The following RHBDD1 variants were observed in gnomAD, a reference collection of about 807,000 sequenced individuals.
RHBDD1 encodes rhomboid domain containing 1.
RHBDD1 carries 38 observed loss-of-function variants against 36.3 expected under a neutral mutation model. That is an observed-to-expected ratio of 1.05 (90% CI 0.81 to 1.37). The LOEUF (loss-of-function observed/expected upper bound fraction) is 1.37. Ranked by LOEUF, RHBDD1 falls within the 40% of genes most tolerant of loss-of-function variation. The pLI is 0.00. For missense variants in RHBDD1, 393 were observed against 377.6 expected (o/e 1.04, Z -0.34); for synonymous variants, 151 against 136.5 (o/e 1.11, Z -0.74).
At chr2:226,832,172 C>T (rs1049411749), upstream of RHBDD1, among the ~76,000 whole-genome samples, 5 of 152,214 alleles carry the variant, frequency 3.3e-5, no homozygotes, top group Non-Finnish European at 7.4e-5. Context: ...GTTTTAGCTG[C>T]AGTGCATGAC....
chr2:226,906,739 T>C (rs779298403), intron 5 of RHBDD1, 54 bp from the exon 6 acceptor site: 2 of 1,613,550 alleles, frequency 1.2e-6, no homozygotes, highest in Admixed American at 3.3e-5. Context: ...GAAGACAGAA[T>C]GTCTCTAATC....
intron 8 of RHBDD1, among the ~76,000 whole-genome samples, chr2:226,923,167 A>G (rs1489119902): frequency 6.6e-6 from 1 of 152,074 alleles, no homozygotes; most frequent in Non-Finnish European, 1.5e-5. Context: ...CTTTTCTTTC[A>G]GATTGAAGAA....
the RHBDD1 span, among the ~76,000 whole-genome samples, chr2:226,810,399 G>A: frequency 6.6e-6 from 1 of 151,676 alleles, no homozygotes; most frequent in Non-Finnish European, 1.5e-5. Context: ...AATTAGCTGG[G>A]TGTGGTGTCA....
At chr2:226,906,680 G>A in intron 5 of RHBDD1, 113 bp from the exon 6 acceptor site, 1 of 1,572,534 alleles carries the variant, frequency 6.4e-7, no homozygotes. Flanking sequence ...GACTTGATGT[G>A]GAACAAAGCC....
chr2:226,879,010 A>G (rs972785883), intron 5 of RHBDD1, among the ~76,000 whole-genome samples: 1 of 150,648 alleles, frequency 6.6e-6, no homozygotes. Flanking sequence ...GTGGTTTTCA[A>G]CTGTGGGTTC....
intron 5 of RHBDD1, among the ~76,000 whole-genome samples, chr2:226,873,650 A>T (rs1944973751): frequency 6.6e-6 from 1 of 152,192 alleles, no homozygotes; most frequent in East Asian, 1.9e-4. Context: ...TAATGGAGGA[A>T]TTAAGAGATA....
intron 8 of RHBDD1, among the ~76,000 whole-genome samples, chr2:226,921,231 G>A (rs1685417502): frequency 6.6e-6 from 1 of 151,346 alleles, no homozygotes; most frequent in Admixed American, 6.6e-5. Flanking sequence ...TTTTTATTTG[G>A]GTCTTCTCTC....
At chr2:226,955,977 C>A (rs893793374) in intron 8 of RHBDD1, among the ~76,000 whole-genome samples, 3 of 152,152 alleles carry the variant, frequency 2.0e-5, no homozygotes, top group Non-Finnish European at 4.4e-5. Context: ...CACGCAGATG[C>A]CAGGGTCAGT....
At chr2:226,952,198 C>CA in intron 8 of RHBDD1, among the ~76,000 whole-genome samples, 2 of 151,626 alleles carry the variant, frequency 1.3e-5, no homozygotes, top group Middle Eastern at 3.4e-3. Flanking sequence ...CCCTGAGAAT[C>CA]AAAGTGAGAG....
intron 5 of RHBDD1, among the ~76,000 whole-genome samples, chr2:226,905,079 T>C (rs1947936778): frequency 6.6e-6 from 1 of 152,106 alleles, no homozygotes; most frequent in African/African-American, 2.4e-5. Flanking sequence ...TCCATCAGGC[T>C]CTTTCATAAC....
chr2:226,861,511 G>C (rs1268132314), intron 3 of RHBDD1, among the ~76,000 whole-genome samples: 5 of 152,204 alleles, frequency 3.3e-5, no homozygotes, highest in African/African-American at 1.2e-4. Context: ...TTGTAATTGA[G>C]GGGCAAGTTT....
At chr2:226,968,572 A>T (rs1952847211) in intron 8 of RHBDD1, among the ~76,000 whole-genome samples, 1 of 152,216 alleles carries the variant, frequency 6.6e-6, no homozygotes, top group African/African-American at 2.4e-5. Flanking sequence ...TTAGTGTTTA[A>T]TTGAATAACC....
chr2:226,831,779 T>C (rs1940746403), upstream of RHBDD1, among the ~76,000 whole-genome samples: 2 of 152,190 alleles, frequency 1.3e-5, no homozygotes, highest in South Asian at 4.1e-4. Context: ...TTTGGCAATT[T>C]GTGTCTGTCT....
In RHBDD1 at chr2:226,917,639, A is replaced by T. The variant is rs374268220; in HGVS notation, c.856+3288A>T. Among the ~76,000 whole-genome samples, 121 of 152,246 alleles carry T rather than the reference A, an allele frequency of 7.9e-4. No individual in the cohort carries two copies. The South Asian group carries it at 0.018, about 22-fold the overall frequency. ...AATGATCCAGAGTTTGTGCTGAATTACTTTTGCTATCTGACCTTTTATTTT... is the reference window on the plus strand; with the variant it reads ...AATGATCCAGAGTTTGTGCTGAATTTCTTTTGCTATCTGACCTTTTATTTT... On this transcript the variant is annotated intron_variant, in intron 8 of 8. Transcript: ENST00000392062.
chr2:226,911,098 A>G lies in RHBDD1; in HGVS notation c.712+2220A>G, dbSNP rs988810405. Among the ~76,000 whole-genome samples, 8 of 152,330 alleles carry G rather than the reference A, an allele frequency of 5.3e-5. No homozygotes were observed. The South Asian group carries it at 1.4e-3, about 28-fold the overall frequency. On this transcript the variant is annotated intron_variant, in intron 7 of 8. Transcript: ENST00000392062. ...AGCATGAATAAAAATGTTTTTCTAC[A>G]TCAAGAAAATGTTGCCTCAAATCAT...
chr2:226,801,742 A>C, the RHBDD1 span, among the ~76,000 whole-genome samples: 3 of 152,174 alleles, frequency 2.0e-5, no homozygotes, highest in Non-Finnish European at 4.4e-5. Flanking sequence ...AGAGTGCCTT[A>C]CAGGGGGTAG....
chr2:226,998,235 A>C lies in RHBDD1; in HGVS notation c.*2713A>C, dbSNP rs1959968825. ...ATTGCCTGTGATTCCAAAGTTGTAC[A>C]TAATTGTTCAGACCTCCTCCATCCT... On this transcript the variant is annotated 3_prime_UTR_variant, in exon 9 of 9. Transcript: ENST00000392062. 1 of 152,182 alleles carries C rather than the reference A, an allele frequency of 6.6e-6. No homozygotes were observed. The highest frequency in any genetic ancestry group is 1.5e-5 in the Non-Finnish European group (1 of 68,038). The allele number at this position is 152,182 out of a possible 1,614,324, so 9.4% of individuals were successfully genotyped here.
At chr2:226,828,438 A>C in the RHBDD1 span, among the ~76,000 whole-genome samples, 1 of 152,212 alleles carries the variant, frequency 6.6e-6, no homozygotes, top group Non-Finnish European at 1.5e-5. Context: ...GATTCCTAAG[A>C]GTGAAATTGC....
At chr2:226,883,689 T>G (rs2125417991) in intron 5 of RHBDD1, among the ~76,000 whole-genome samples, 2 of 152,298 alleles carry the variant, frequency 1.3e-5, no homozygotes, top group Middle Eastern at 3.4e-3. Flanking sequence ...TGGTGACAGG[T>G]GCGAGACTTG....
Sources: allele counts gnomAD v4.1 joint callset (sites outside exome capture counted in the v4.1 genomes callset), GRCh38; gene constraint gnomAD v4.1.1; transcripts MANE v1.5; gene names NCBI Gene and HGNC (gene_info 2026-07-23, HGNC 2026-07-21).